NDFIP1: variants seen among roughly 807,000 people sequenced by gnomAD.
The protein encoded by NDFIP1 is NEDD4 family-interacting protein 1.
NDFIP1 carries 7 observed loss-of-function variants against 28.8 expected under a neutral mutation model. The ratio of observed to expected loss-of-function variants is 0.24; its 90% CI spans 0.14 to 0.46. The LOEUF is 0.46. Ranked by LOEUF, NDFIP1 falls within the 20% of genes least tolerant of loss-of-function variation. NDFIP1 has a pLI of 0.99. For synonymous variants in NDFIP1, 92 were observed against 101.0 expected, an observed-to-expected ratio of 0.91 and a Z score of 0.53; for missense variants, 194 against 269.1, an observed-to-expected ratio of 0.72 and a Z score of 1.95.
intron 1 of NDFIP1, among the ~76,000 whole-genome samples, chr5:142,112,657 G>A (rs1039836075): frequency 1.3e-5 from 2 of 151,210 alleles, no homozygotes; most frequent in African/African-American, 4.9e-5. Context: ...TGGGCGTGGT[G>A]GCACGTGCCT....
At position 142,153,153 on chromosome 5, in the gene NDFIP1, G is replaced by A; in HGVS notation, c.*1425G>A. ...GAATGCACCAACTGGTTTGAGTCCT[G>A]TGAGCATTCAGTCAGTTGAAATTAA... On this transcript the variant is annotated 3_prime_UTR_variant, in exon 8 of 8. Transcript: ENST00000253814. 2.5e-6 allele frequency: 1 copy of A among 398,250 alleles called. No homozygotes were observed. The highest frequency in any genetic ancestry group is 5.0e-6 in the Non-Finnish European group (1 of 201,074). 24.7% of individuals were successfully genotyped at this position (398,250 alleles called of 1,614,324 possible).
At chr5:142,122,648 A>G (rs1430691916) in intron 1 of NDFIP1, among the ~76,000 whole-genome samples, 2 of 152,222 alleles carry the variant, frequency 1.3e-5, no homozygotes, top group African/African-American at 2.4e-5. Context: ...TATATTCTCA[A>G]CAACATTTGG....
intron 1 of NDFIP1, among the ~76,000 whole-genome samples, chr5:142,130,186 T>C (rs898396893): frequency 6.6e-6 from 1 of 152,200 alleles, no homozygotes; most frequent in African/African-American, 2.4e-5. Flanking sequence ...AGCCAACTCA[T>C]GTTTTAAATT....
rs1413133133 is a variant in NDFIP1, at chr5:142,153,305, C to G, written c.*1577C>G. The stretch of plus-strand genomic sequence containing the variant: ...TAAGAAATATGAAGAAAAAATACAC[C>G]AAGATGGTCAAATTACTACACAAAT... On this transcript the variant is annotated 3_prime_UTR_variant, in exon 8 of 8. Transcript: ENST00000253814. 1 of 456,286 alleles carries G rather than the reference C, an allele frequency of 2.2e-6. No individual in the cohort carries two copies. The highest frequency in any genetic ancestry group is 4.4e-6 in the Non-Finnish European group (1 of 226,900). The allele number at this position is 456,286 out of a possible 1,614,324, so 28.3% of individuals were successfully genotyped here.
intron 1 of NDFIP1, among the ~76,000 whole-genome samples, chr5:142,115,596 A>G (rs754955813): frequency 7.2e-5 from 11 of 152,284 alleles, no homozygotes; most frequent in Non-Finnish European, 1.5e-4. Flanking sequence ...ATATTCTTAT[A>G]ATAATGGACA....
At chr5:142,135,074 G>A (rs1366913970) in intron 3 of NDFIP1, among the ~76,000 whole-genome samples, 1 of 152,064 alleles carries the variant, frequency 6.6e-6, no homozygotes, top group Non-Finnish European at 1.5e-5. Flanking sequence ...TGCCTCCCGG[G>A]TTCATGCCAT....
chr5:142,151,225 T>C (rs1220824488), intron 7 of NDFIP1, among the ~76,000 whole-genome samples: 7 of 152,248 alleles, frequency 4.6e-5, no homozygotes, highest in African/African-American at 1.7e-4. Context: ...TGTGAGTTTA[T>C]CCTTGTTTTC....
At chr5:142,133,802 T>C (rs989430900) in intron 3 of NDFIP1, among the ~76,000 whole-genome samples, 1 of 152,192 alleles carries the variant, frequency 6.6e-6, no homozygotes, top group African/African-American at 2.4e-5. Context: ...GTGTTCCTCA[T>C]TGTTATTCAA....
At chr5:142,134,556 A>C (rs1757255972) in intron 3 of NDFIP1, among the ~76,000 whole-genome samples, 2 of 152,198 alleles carry the variant, frequency 1.3e-5, no homozygotes, top group Non-Finnish European at 2.9e-5. Context: ...TCCCCAGGGG[A>C]ACCACTGTTA....
At chr5:142,127,789 C>G (rs1289379878) in intron 1 of NDFIP1, among the ~76,000 whole-genome samples, 1 of 152,220 alleles carries the variant, frequency 6.6e-6, no homozygotes, top group East Asian at 1.9e-4. Flanking sequence ...AACCCCATCT[C>G]TACTAAAAAT....
intron 2 of NDFIP1, 157 bp downstream of exon 2, chr5:142,132,052 ACC>A: frequency 1.9e-6 from 2 of 1,038,102 alleles, no homozygotes; most frequent in South Asian, 3.6e-5. Context: ...TTTAAAAATC[ACC>A]CCCAGTCTCT....
chr5:142,123,586 A>G (rs1329218601), intron 1 of NDFIP1, among the ~76,000 whole-genome samples: 1 of 152,254 alleles, frequency 6.6e-6, no homozygotes. Context: ...GAGCTTTAAC[A>G]TATCTTAGAT....
In NDFIP1 at chr5:142,154,192, A is replaced by G. The variant is rs1286168236; in HGVS notation, c.*2464A>G. The G allele has an allele frequency of 6.6e-6, 1 of 152,278 alleles. No homozygotes were observed. Among genetic ancestry groups the G allele is most frequent in the African/African-American group, 2.4e-5 (1 of 41,436 alleles). The allele number at this position is 152,278 out of a possible 1,614,324, so 9.4% of individuals were successfully genotyped here. On this transcript the variant is annotated 3_prime_UTR_variant, in exon 8 of 8. Coordinates refer to ENST00000253814, the MANE Select transcript of NDFIP1 (RefSeq NM_030571.4). ...GTTTTTATAATAAATGGTTTTGGAA[A>G]GGTATTCATAGGAACCGCGGTTATT...
chr5:142,123,357 C>T (rs548655746), intron 1 of NDFIP1, among the ~76,000 whole-genome samples: 31 of 152,234 alleles, frequency 2.0e-4, no homozygotes, highest in African/African-American at 7.5e-4. Flanking sequence ...TGGTCTTGAA[C>T]TCCTGGGCTC....
intron 1 of NDFIP1, among the ~76,000 whole-genome samples, chr5:142,119,112 A>G (rs2126912039): frequency 6.6e-6 from 1 of 152,300 alleles, no homozygotes; most frequent in African/African-American, 2.4e-5. Flanking sequence ...CTATTTCTGT[A>G]TGTACCATCT....
At chr5:142,116,790 A>G (rs1271111739) in intron 1 of NDFIP1, among the ~76,000 whole-genome samples, 1 of 152,008 alleles carries the variant, frequency 6.6e-6, no homozygotes, top group Non-Finnish European at 1.5e-5. Context: ...TGCTCACTGC[A>G]ATCTCCGCCT....
At chr5:142,112,377 C>T (rs985053465) in intron 1 of NDFIP1, among the ~76,000 whole-genome samples, 1 of 149,440 alleles carries the variant, frequency 6.7e-6, no homozygotes, top group Non-Finnish European at 1.5e-5. Context: ...GAGCAAGACT[C>T]TGTTTAAAAA....
In NDFIP1 at chr5:142,153,454, A is replaced by T. The variant is rs1224240585; in HGVS notation, c.*1726A>T. 2 of 455,926 alleles carry T rather than the reference A, an allele frequency of 4.4e-6. No homozygotes were observed. The highest frequency in any genetic ancestry group is 8.8e-6 in the Non-Finnish European group (2 of 226,266). The allele number at this position is 455,926 out of a possible 1,614,324, so 28.2% of individuals were successfully genotyped here. A position where few individuals can be genotyped will look rare whatever the true frequency, so the allele number is the denominator to read the frequency against. ...ATGCACAGAAGTGTGGGTTGTTTGA[A>T]AGCCAAACAGGAAAATTAGGAGCCT... On this transcript the variant is annotated 3_prime_UTR_variant, in exon 8 of 8. Coordinates refer to ENST00000253814, the MANE Select transcript of NDFIP1 (RefSeq NM_030571.4).
At position 142,154,200 on chromosome 5, in the gene NDFIP1, A is replaced by C. The variant is rs940128819; in HGVS notation, c.*2472A>C. 6.6e-6 allele frequency: 1 copy of C among 152,304 alleles called. No homozygotes were observed. Among genetic ancestry groups the C allele is most frequent in the African/African-American group, 2.4e-5 (1 of 41,444 alleles). 9.4% of individuals were successfully genotyped at this position (152,304 alleles called of 1,614,324 possible). A position where few individuals can be genotyped will look rare whatever the true frequency, so the allele number is the denominator to read the frequency against. ...AATAAATGGTTTTGGAAAGGTATTCATAGGAACCGCGGTTATTTACTTAAG... is the reference window on the plus strand; with the variant it reads ...AATAAATGGTTTTGGAAAGGTATTCCTAGGAACCGCGGTTATTTACTTAAG... On this transcript the variant is annotated 3_prime_UTR_variant, in exon 8 of 8. Transcript: ENST00000253814.
Sources: allele counts gnomAD v4.1 joint callset (sites outside exome capture counted in the v4.1 genomes callset), GRCh38; gene constraint gnomAD v4.1.1; transcripts MANE v1.5; gene names NCBI Gene and HGNC (gene_info 2026-07-23, HGNC 2026-07-21).